Variants in GRIN3A observed in about 807,000 individuals in gnomAD.
GRIN3A encodes the protein glutamate ionotropic receptor NMDA type subunit 3A.
GRIN3A carries 47 observed loss-of-function variants against 92.4 expected under a neutral mutation model. The ratio of observed to expected loss-of-function variants is 0.51; its 90% CI spans 0.40 to 0.65. The LOEUF is 0.65. Among genes scored for constraint, GRIN3A ranks in the 30% least tolerant of loss-of-function variants. The pLI, the probability that GRIN3A is intolerant of heterozygous loss-of-function variation, is 0.00. For missense variants in GRIN3A, 1,324 were observed against 1,393.1 expected, an observed-to-expected ratio of 0.95 and a Z score of 0.79; for synonymous variants, 527 against 540.6, an observed-to-expected ratio of 0.97 and a Z score of 0.35.
chr9:101,649,590 G>C (rs1458660065), intron 3 of GRIN3A, among the ~76,000 whole-genome samples: 2 of 152,016 alleles, frequency 1.3e-5, no homozygotes, highest in Non-Finnish European at 2.9e-5. Flanking sequence ...CTCGAGGGAA[G>C]AGTGGTGTAG....
chr9:101,660,848 C>G (rs12352582), intron 3 of GRIN3A, among the ~76,000 whole-genome samples: 51,078 of 151,512 alleles, frequency 0.34, 9,490 homozygotes, highest in Non-Finnish European at 0.42. Context: ...TGATTTCAAA[C>G]TAATCACGTC....
At chr9:101,576,691 G>A (rs1380021735) in intron 8 of GRIN3A, among the ~76,000 whole-genome samples, 1 of 152,110 alleles carries the variant, frequency 6.6e-6, no homozygotes, top group East Asian at 1.9e-4. Context: ...AGCTGTGACT[G>A]GACTAGTATA....
At chr9:101,596,013 A>G (rs1828124262) in intron 6 of GRIN3A, among the ~76,000 whole-genome samples, 1 of 152,206 alleles carries the variant, frequency 6.6e-6, no homozygotes, top group African/African-American at 2.4e-5. Flanking sequence ...CGCATCAATT[A>G]CTCCAAATGC....
In GRIN3A at chr9:101,738,051, G is replaced by A; in HGVS notation, c.-72C>T. The A allele has an allele frequency of 3.0e-6, 4 of 1,313,490 alleles. No homozygotes were observed. Among genetic ancestry groups the A allele is most frequent in the Non-Finnish European group, 3.2e-6 (3 of 945,998 alleles). The allele number at this position is 1,313,490 out of a possible 1,614,324, so 81.4% of individuals were successfully genotyped here. A position where few individuals can be genotyped will look rare whatever the true frequency, so the allele number is the denominator to read the frequency against. On this transcript the variant is annotated 5_prime_UTR_variant, in exon 1 of 9. Coordinates refer to ENST00000361820, the MANE Select transcript of GRIN3A (RefSeq NM_133445.3). ...CGCCCCTCTGCAGCCGCTGCCTGAGGTCTCCGCCTCCAGGTCCCGCGCGCA... is the reference window on the plus strand; with the variant it reads ...CGCCCCTCTGCAGCCGCTGCCTGAGATCTCCGCCTCCAGGTCCCGCGCGCA...
chr9:101,589,019 A>C (rs569371642), intron 6 of GRIN3A, among the ~76,000 whole-genome samples: 1 of 152,062 alleles, frequency 6.6e-6, no homozygotes, highest in East Asian at 1.9e-4. Flanking sequence ...CTCCCAGGGC[A>C]GAATGTAGTG....
rs1234394475 is a variant in GRIN3A, at chr9:101,570,378, AAGG to A, written c.*2793_*2795del. 3.3e-5 allele frequency: 5 copies of A among 152,644 alleles called. No individual in the cohort carries two copies. The highest frequency in any genetic ancestry group is 1.2e-4 in the African/African-American group (5 of 41,442). The allele number at this position is 152,644 out of a possible 1,614,324, so 9.5% of individuals were successfully genotyped here. A position where few individuals can be genotyped will look rare whatever the true frequency, so the allele number is the denominator to read the frequency against. The stretch of plus-strand genomic sequence containing the variant: ...AAGAACAGAGGCAGAGCTGAACGGA[AAGG>A]AGGTTTCCAAGGACCCACCATTTCA... On this transcript the variant is annotated 3_prime_UTR_variant, in exon 9 of 9. Coordinates refer to ENST00000361820, the MANE Select transcript of GRIN3A (RefSeq NM_133445.3).
intron 8 of GRIN3A, among the ~76,000 whole-genome samples, chr9:101,574,447 C>G (rs1440971872): frequency 3.3e-5 from 5 of 152,156 alleles, no homozygotes; most frequent in African/African-American, 1.2e-4. Flanking sequence ...CAATCTACCA[C>G]AGGACAAAAC....
chr9:101,674,696 C>T (rs1270138275), intron 2 of GRIN3A, among the ~76,000 whole-genome samples: 5 of 152,090 alleles, frequency 3.3e-5, no homozygotes, highest in African/African-American at 9.7e-5. Flanking sequence ...AACAGTAATA[C>T]TACCATTCTC....
chr9:101,718,670 G>A (rs1398307460), intron 1 of GRIN3A, among the ~76,000 whole-genome samples: 1 of 152,138 alleles, frequency 6.6e-6, no homozygotes, highest in East Asian at 1.9e-4. Context: ...ATCACATAGT[G>A]AGAAACTTAA....
At position 101,706,093 on chromosome 9, in the gene GRIN3A, G is replaced by C. The variant is rs562024901; in HGVS notation, c.700-18893C>G. Among the ~76,000 whole-genome samples the C allele has an allele frequency of 7.2e-5, 11 of 152,252 alleles. No homozygotes were observed. The South Asian group carries it at 2.3e-3, about 32-fold the overall frequency. On this transcript the variant is annotated intron_variant, in intron 1 of 8. Transcript: ENST00000361820. ...GAAATATAAGAAGCGACCTAGTCTGGGGAATCAGGGAAGATTTTCTTAGAT... is the reference window on the plus strand; with the variant it reads ...GAAATATAAGAAGCGACCTAGTCTGCGGAATCAGGGAAGATTTTCTTAGAT...
intron 1 of GRIN3A, among the ~76,000 whole-genome samples, chr9:101,713,707 C>G (rs984356879): frequency 4.6e-5 from 7 of 152,180 alleles, no homozygotes; most frequent in East Asian, 1.9e-4. Flanking sequence ...GTCCAAGTAG[C>G]CTATTGGTTG....
intron 5 of GRIN3A, among the ~76,000 whole-genome samples, chr9:101,614,626 T>C (rs1828415698): frequency 7.1e-6 from 1 of 140,252 alleles, no homozygotes. Flanking sequence ...TTTTTTTTTT[T>C]TTTTTTTTTT....
chr9:101,714,503 G>C (rs573565688), intron 1 of GRIN3A, among the ~76,000 whole-genome samples: 2 of 152,282 alleles, frequency 1.3e-5, no homozygotes, highest in Non-Finnish European at 2.9e-5. Flanking sequence ...GTGTGTGTCA[G>C]TTAGAACTCA....
chr9:101,654,361 A>G, intron 3 of GRIN3A, among the ~76,000 whole-genome samples: 1 of 147,226 alleles, frequency 6.8e-6, no homozygotes, highest in Non-Finnish European at 1.5e-5. Flanking sequence ...TTTCCATTAT[A>G]TATTATACAT....
chr9:101,608,232 G>A (rs984588383), intron 6 of GRIN3A, among the ~76,000 whole-genome samples: 5 of 152,154 alleles, frequency 3.3e-5, no homozygotes, highest in African/African-American at 1.2e-4. Context: ...GTTCCAGTAA[G>A]GACACAACTT....
rs547717146 is a variant in GRIN3A, at chr9:101,615,386, CTTTT to C, written c.2615-1863_2615-1860del. 1.4e-3 allele frequency among the ~76,000 whole-genome samples: 177 copies of C among 124,284 alleles called. 1 individual carries two copies. Among genetic ancestry groups the C allele is most frequent in the African/African-American group, 4.6e-3 (157 of 34,324 alleles). 81.5% of individuals were successfully genotyped at this position (124,284 alleles called of 152,430 possible). On this transcript the variant is annotated intron_variant, in intron 5 of 8. Transcript: ENST00000361820. ...ATTTCAAGAGCACTGATTTTTGTTC[CTTTT>C]TTTTTTTTTTTTTTTTGAGACAGAG...
rs1045029019 is a variant in GRIN3A, at chr9:101,596,373, G to T, written c.2766+17003C>A. On this transcript the variant is annotated intron_variant, in intron 6 of 8. Transcript: ENST00000361820. The stretch of plus-strand genomic sequence containing the variant: ...GTTTTTTTGTTTCATTTATTTGCTT[G>T]CTTTTCAGTTATTCAGAGAAATGAG... 3.9e-5 allele frequency among the ~76,000 whole-genome samples: 6 copies of T among 152,104 alleles called. No homozygotes were observed. In the East Asian group the frequency reaches 7.7e-4, roughly 20 times the overall value.
chr9:101,685,541 T>C lies in GRIN3A; in HGVS notation c.1304+1055A>G, dbSNP rs533236352. 5.3e-5 allele frequency among the ~76,000 whole-genome samples: 8 copies of C among 151,978 alleles called. No individual in the cohort carries two copies. The East Asian group carries it at 1.5e-3, about 29-fold the overall frequency. The stretch of plus-strand genomic sequence containing the variant: ...CAGGTGGTCCTTTTTCAGAAGAAAG[T>C]CTAAGCCCTAATGAAATATCCTTTA... On this transcript the variant is annotated intron_variant, in intron 2 of 8. Transcript: ENST00000361820.
chr9:101,702,015 T>G (rs1829762324), intron 1 of GRIN3A, among the ~76,000 whole-genome samples: 1 of 152,132 alleles, frequency 6.6e-6, no homozygotes, highest in Admixed American at 6.6e-5. Context: ...AAATCTTCAT[T>G]TCTTCGCTGG....
Sources: gnomAD v4.1 joint callset for allele counts (sites outside exome capture counted in the v4.1 genomes callset) on GRCh38, gnomAD v4.1.1 for gene constraint, MANE v1.5 for transcripts, NCBI Gene and HGNC (gene_info 2026-07-23, HGNC 2026-07-21) for gene names.